FUT8: variants seen among roughly 807,000 people sequenced by gnomAD.
The protein encoded by FUT8 is alpha-(1,6)-fucosyltransferase.
In FUT8, 29 loss-of-function variants were observed where a neutral mutation model predicts 71.3. The ratio of observed to expected loss-of-function variants is 0.41; its 90% CI spans 0.30 to 0.55. The LOEUF is 0.55. Ranked by LOEUF, FUT8 falls within the 20% of genes least tolerant of loss-of-function variation. FUT8 has a pLI of 0.34. For synonymous variants in FUT8, 254 were observed against 239.3 expected (o/e 1.06, Z -0.57); for missense variants, 544 against 702.1 (o/e 0.77, Z 2.55).
intron 6 of FUT8, among the ~76,000 whole-genome samples, chr14:65,653,072 C>T (rs1055665697): frequency 2.6e-5 from 4 of 152,076 alleles, no homozygotes; most frequent in Non-Finnish European, 4.4e-5. Context: ...ATAACCTAGC[C>T]TCAGAAGTCA....
chr14:65,659,302 A>G (rs1594870409), intron 6 of FUT8, among the ~76,000 whole-genome samples: 1 of 152,120 alleles, frequency 6.6e-6, no homozygotes, highest in East Asian at 1.9e-4. Context: ...AAATGAGACA[A>G]AGACTCCGTC....
intron 3 of FUT8, among the ~76,000 whole-genome samples, chr14:65,601,640 A>G (rs2140170853): frequency 6.6e-6 from 1 of 152,280 alleles, no homozygotes; most frequent in Admixed American, 6.5e-5. Flanking sequence ...TTAGTAGGTG[A>G]TAGGCAACGG....
chr14:65,436,518 A>C (rs1201188812), intron 1 of FUT8, among the ~76,000 whole-genome samples: 1 of 151,794 alleles, frequency 6.6e-6, no homozygotes, highest in South Asian at 2.1e-4. Context: ...TAGTCCAGCT[A>C]CTGGGGAGGC....
intron 5 of FUT8, chr14:65,616,997 T>G: frequency 7.2e-7 from 1 of 1,389,704 alleles, no homozygotes; most frequent in Non-Finnish European, 9.7e-7. Flanking sequence ...TGCTGTTGTA[T>G]TCATGCAGAA....
chr14:65,505,514 A>G (rs1016198537), intron 2 of FUT8, among the ~76,000 whole-genome samples: 5 of 151,690 alleles, frequency 3.3e-5, no homozygotes, highest in Non-Finnish European at 7.4e-5. Context: ...GGGTTTCACC[A>G]TGTTAGCCAG....
At chr14:65,656,681 C>G (rs2140338545) in intron 6 of FUT8, among the ~76,000 whole-genome samples, 1 of 152,226 alleles carries the variant, frequency 6.6e-6, no homozygotes, top group South Asian at 2.1e-4. Flanking sequence ...TCAAAGCTAT[C>G]CTGAGCAAAA....
chr14:65,458,504 G>T (rs1406708353), intron 2 of FUT8, among the ~76,000 whole-genome samples: 1 of 152,070 alleles, frequency 6.6e-6, no homozygotes, highest in Non-Finnish European at 1.5e-5. Flanking sequence ...AACCCTATTT[G>T]AATATTTATA....
chr14:65,494,267 T>A (rs1483089987), intron 2 of FUT8, among the ~76,000 whole-genome samples: 4 of 152,170 alleles, frequency 2.6e-5, no homozygotes, highest in African/African-American at 9.6e-5. Flanking sequence ...CAATTAGAGT[T>A]TTACATTCTT....
intron 7 of FUT8, among the ~76,000 whole-genome samples, chr14:65,698,400 C>T (rs1465373037): frequency 1.3e-5 from 2 of 152,026 alleles, no homozygotes; most frequent in South Asian, 2.1e-4. Flanking sequence ...TGTACTATTT[C>T]GGTAGTATAT....
At chr14:65,502,830 T>C (rs1489802210) in intron 2 of FUT8, among the ~76,000 whole-genome samples, 1 of 152,198 alleles carries the variant, frequency 6.6e-6, no homozygotes, top group Non-Finnish European at 1.5e-5. Flanking sequence ...TATGAATCAG[T>C]TGAGGATCTT....
intron 6 of FUT8, among the ~76,000 whole-genome samples, chr14:65,667,937 A>G (rs983513078): frequency 1.3e-5 from 2 of 152,164 alleles, no homozygotes; most frequent in African/African-American, 4.8e-5. Flanking sequence ...CAACTTTCTA[A>G]TCTTTGACAA....
At chr14:65,422,696 CAG>C (rs1438743778) in intron 1 of FUT8, among the ~76,000 whole-genome samples, 1 of 151,906 alleles carries the variant, frequency 6.6e-6, no homozygotes, top group African/African-American at 2.4e-5. Context: ...TTTGTAGAGA[CAG>C]GGTCTCACTG....
chr14:65,611,197 ACGCG>A lies in FUT8; in HGVS notation c.204-4757_204-4754del, dbSNP rs112404723. ...TTTTAAGTGTCATACACACACACAC[ACGCG>A]CGCGCGCGCGCGCGCGCGCGCGCAC... On this transcript the variant is annotated intron_variant, in intron 3 of 10. Transcript: ENST00000673929. 4.3e-3 allele frequency among the ~76,000 whole-genome samples: 265 copies of A among 61,302 alleles called. 17 individuals carry two copies. Among genetic ancestry groups the A allele is most frequent in the African/African-American group, 0.016 (213 of 13,528 alleles). The allele number at this position is 61,302 out of a possible 152,430, so 40.2% of individuals were successfully genotyped here.
intron 3 of FUT8, among the ~76,000 whole-genome samples, chr14:65,611,171 AT>A (rs202009877): frequency 0.021 from 2,818 of 132,080 alleles, 200 homozygotes; most frequent in Admixed American, 0.043. Context: ...AAGTTGTTAC[AT>A]TTTAAGTGTC....
intron 2 of FUT8, among the ~76,000 whole-genome samples, chr14:65,527,451 A>G (rs1883567336): frequency 1.3e-5 from 2 of 152,084 alleles, no homozygotes; most frequent in Admixed American, 1.3e-4. Flanking sequence ...TGGTTATTCT[A>G]GTTAATCCTT....
At chr14:65,506,834 C>A (rs1453657360) in intron 2 of FUT8, among the ~76,000 whole-genome samples, 1 of 152,156 alleles carries the variant, frequency 6.6e-6, no homozygotes, top group Non-Finnish European at 1.5e-5. Flanking sequence ...TTATTGATTG[C>A]GGCAGCACCC....
At chr14:65,374,622 T>G in the FUT8 span, among the ~76,000 whole-genome samples, 1 of 149,856 alleles carries the variant, frequency 6.7e-6, no homozygotes, top group Admixed American at 6.7e-5. Context: ...TTTGATGGAG[T>G]CTTTCTCTGT....
intron 2 of FUT8, chr14:65,488,417 G>A (rs2066439584): frequency 6.6e-6 from 1 of 152,108 alleles, no homozygotes; most frequent in East Asian, 1.9e-4. Context: ...TGCTTTTCAG[G>A]GAGCTCAGTT....
At chr14:65,405,115 G>C in the FUT8 span, among the ~76,000 whole-genome samples, 3 of 152,208 alleles carry the variant, frequency 2.0e-5, no homozygotes, top group Admixed American at 2.0e-4. Flanking sequence ...AAGGGCTCCA[G>C]TCATCACATC....
Sources: gnomAD v4.1 joint callset for allele counts (sites outside exome capture counted in the v4.1 genomes callset) on GRCh38, gnomAD v4.1.1 for gene constraint, MANE v1.5 for transcripts, NCBI Gene and HGNC (gene_info 2026-07-23, HGNC 2026-07-21) for gene names.